MTUS2: variants seen among roughly 807,000 people sequenced by gnomAD.
MTUS2 encodes microtubule-associated tumor suppressor candidate 2.
A neutral mutation model predicts 114.1 loss-of-function variants in MTUS2; 40 were observed. The ratio of observed to expected loss-of-function variants is 0.35; its 90% confidence interval spans 0.27 to 0.46. The LOEUF is 0.46. Among genes scored for constraint, MTUS2 ranks in the 20% least tolerant of loss-of-function variants. MTUS2 has a pLI of 1.00. For missense variants in MTUS2, 1,679 were observed against 1,705.4 expected (o/e 0.98, Z 0.27); for synonymous variants, 688 against 672.0 (o/e 1.02, Z -0.37).
At chr13:29,397,236 C>T (rs1279400379) in intron 8 of MTUS2, among the ~76,000 whole-genome samples, 1 of 152,190 alleles carries the variant, frequency 6.6e-6, no homozygotes, top group African/African-American at 2.4e-5. Flanking sequence ...CTGTCTTAAC[C>T]CAGACCTGCC....
At chr13:28,856,795 A>C (rs1161464) in intron 2 of MTUS2, among the ~76,000 whole-genome samples, 98,473 of 152,096 alleles carry the variant, frequency 0.65, 35,130 homozygotes, top group Non-Finnish European at 0.79. Flanking sequence ...TACCCCGCCA[A>C]AATAAAGAGT....
intron 8 of MTUS2, among the ~76,000 whole-genome samples, chr13:29,415,613 A>G (rs1470705753): frequency 6.6e-6 from 1 of 151,900 alleles, no homozygotes; most frequent in Admixed American, 6.6e-5. Context: ...TATATCTTGG[A>G]TGTTGTATAT....
chr13:29,316,343 A>G (rs948811473), intron 6 of MTUS2, among the ~76,000 whole-genome samples: 1 of 152,142 alleles, frequency 6.6e-6, no homozygotes, highest in Non-Finnish European at 1.5e-5. Context: ...CCAAAGGAAG[A>G]AGGAGTTCCA....
At chr13:29,112,884 A>C (rs1031236466) in intron 5 of MTUS2, among the ~76,000 whole-genome samples, 2 of 152,194 alleles carry the variant, frequency 1.3e-5, no homozygotes, top group Non-Finnish European at 2.9e-5. Context: ...GAGTTTTTGC[A>C]GAGAGTAACC....
chr13:29,480,294 C>T lies in MTUS2; in HGVS notation c.3329C>T (p.Ala1110Val), dbSNP rs201034207. Residue 1110 changes from alanine (A) to valine (V), a missense_variant, in exon 10 of 16, where the codon GCG becomes GTG. Coordinates refer to ENST00000612955, the MANE Select transcript of MTUS2 (RefSeq NM_001033602.4). The surrounding 1 kb of genome is among the most constrained non-coding windows in gnomAD (Gnocchi z 4.4). ...GAGCGGCTGCAGCTGCAATTCGAGG[C>T]GGAAATGGCGCGCCTGCAGGAGGAG... ...LEERLQLQFE[A>V]EMARLQEEHG... The T allele has an allele frequency of 6.4e-4, 999 of 1,555,388 alleles. 6 individuals carry two copies. In the African/African-American group the frequency reaches 9.0e-3, roughly 14 times the overall value.
chr13:29,414,650 C>T (rs1006539267), intron 8 of MTUS2, among the ~76,000 whole-genome samples: 6 of 151,640 alleles, frequency 4.0e-5, no homozygotes, highest in South Asian at 4.2e-4. Flanking sequence ...ATATATCTTA[C>T]GGTTGTTAAT....
chr13:28,981,806 C>G (rs1884370274), intron 2 of MTUS2, among the ~76,000 whole-genome samples: 1 of 152,148 alleles, frequency 6.6e-6, no homozygotes, highest in South Asian at 2.1e-4. Flanking sequence ...TTCATCTGGC[C>G]TGTTTTAGGG....
chr13:29,163,456 C>T (rs768173367), intron 5 of MTUS2, among the ~76,000 whole-genome samples: 4 of 152,158 alleles, frequency 2.6e-5, no homozygotes, highest in Non-Finnish European at 5.9e-5. Flanking sequence ...GATATTCTGA[C>T]AAGTGTCTGT....
At chr13:29,399,448 T>G (rs1265301904) in intron 8 of MTUS2, among the ~76,000 whole-genome samples, 1 of 152,198 alleles carries the variant, frequency 6.6e-6, no homozygotes, top group Non-Finnish European at 1.5e-5. Flanking sequence ...GTTGCCCTCG[T>G]TCAAACAACT....
At chr13:28,929,881 A>C (rs754537265) in intron 2 of MTUS2, among the ~76,000 whole-genome samples, 11 of 152,088 alleles carry the variant, frequency 7.2e-5, no homozygotes, top group Non-Finnish European at 1.5e-4. Flanking sequence ...GATGAGAGTT[A>C]CACAGTCTGG....
At chr13:28,884,594 G>A (rs919757314) in intron 2 of MTUS2, among the ~76,000 whole-genome samples, 4 of 152,022 alleles carry the variant, frequency 2.6e-5, no homozygotes, top group South Asian at 2.1e-4. Context: ...GTACACACAC[G>A]GCACACACAT....
At chr13:28,927,305 G>A (rs188196328) in intron 2 of MTUS2, among the ~76,000 whole-genome samples, 7 of 152,240 alleles carry the variant, frequency 4.6e-5, no homozygotes, top group Non-Finnish European at 1.0e-4. Flanking sequence ...TGCTTTGGGG[G>A]TTTGAGGTGG....
chr13:28,957,176 G>A (rs1883111671), intron 2 of MTUS2, among the ~76,000 whole-genome samples: 1 of 152,172 alleles, frequency 6.6e-6, no homozygotes, highest in Admixed American at 6.5e-5. Context: ...TTGGTACTTT[G>A]GCCCATTAGC....
intron 5 of MTUS2, among the ~76,000 whole-genome samples, chr13:29,214,974 C>G (rs146405252): frequency 6.5e-4 from 99 of 152,070 alleles, no homozygotes; most frequent in African/African-American, 2.2e-3. Context: ...TGGTTCCATT[C>G]TTTCTGTCAC....
At chr13:29,215,898 G>A (rs763750097) in intron 5 of MTUS2, among the ~76,000 whole-genome samples, 6 of 152,208 alleles carry the variant, frequency 3.9e-5, no homozygotes, top group African/African-American at 9.6e-5. Flanking sequence ...AGCAGAGCTC[G>A]AGAACTGTGC....
At chr13:29,383,481 G>A (rs4570684) in intron 8 of MTUS2, among the ~76,000 whole-genome samples, 91,857 of 151,880 alleles carry the variant, frequency 0.6, 29,198 homozygotes, top group East Asian at 0.73. Context: ...AGGCAGGGAC[G>A]TGTTTCTAAG....
chr13:29,102,118 G>T (rs1249688386), intron 5 of MTUS2, among the ~76,000 whole-genome samples: 2 of 152,198 alleles, frequency 1.3e-5, no homozygotes, highest in Non-Finnish European at 2.9e-5. Context: ...TCATTACACA[G>T]TAGGGGTCTC....
At chr13:29,200,316 C>G (rs1032351337) in intron 5 of MTUS2, among the ~76,000 whole-genome samples, 3 of 151,898 alleles carry the variant, frequency 2.0e-5, no homozygotes, top group Non-Finnish European at 4.4e-5. Flanking sequence ...CTGCTTTCCT[C>G]TGTGGGCATT....
chr13:29,010,796 A>C (rs1385250756), intron 2 of MTUS2, among the ~76,000 whole-genome samples: 1 of 152,048 alleles, frequency 6.6e-6, no homozygotes, highest in Admixed American at 6.6e-5. Flanking sequence ...AGACCACCTA[A>C]CAGTAGACTT....
Sources: allele counts gnomAD v4.1 joint callset (sites outside exome capture counted in the v4.1 genomes callset), GRCh38; gene constraint gnomAD v4.1.1; non-coding constraint Gnocchi (gnomAD v3.1); transcripts MANE v1.5; gene names NCBI Gene and HGNC (gene_info 2026-07-23, HGNC 2026-07-21).